Variants in TTC23L observed in about 807,000 individuals in gnomAD.
TTC23L encodes the protein tetratricopeptide repeat protein 23-like.
In TTC23L, 42 loss-of-function variants were observed where a neutral mutation model predicts 48.1. The ratio of observed to expected loss-of-function variants is 0.87; its 90% CI spans 0.68 to 1.13. The LOEUF is 1.13. TTC23L is among the 50% of genes most tolerant of loss of function. The pLI, the probability that TTC23L is intolerant of heterozygous loss-of-function variation, is 0.00. For missense variants in TTC23L, 391 were observed against 421.0 expected (o/e 0.93, Z 0.62); for synonymous variants, 159 against 157.2 (o/e 1.01, Z -0.09).
chr5:34,866,700 C>T (rs1241375001), intron 6 of TTC23L, among the ~76,000 whole-genome samples, 192 bp from the exon 7 acceptor site: 6 of 151,944 alleles, frequency 3.9e-5, no homozygotes, highest in Admixed American at 2.0e-4. Flanking sequence ...AATGAGTGGT[C>T]GTCAATGAAA....
chr5:34,851,399 G>T (rs933245270), intron 4 of TTC23L, among the ~76,000 whole-genome samples: 19 of 152,092 alleles, frequency 1.2e-4, no homozygotes, highest in Middle Eastern at 3.2e-3. Context: ...CTCCTTCTTA[G>T]GGCTCTATAG....
At chr5:34,840,250 G>GGGGGA (rs1554016490) in intron 1 of TTC23L, among the ~76,000 whole-genome samples, 1 of 108,148 alleles carries the variant, frequency 9.2e-6, no homozygotes, top group Admixed American at 8.6e-5. Context: ...GGGGGGGGGG[G>GGGGGA]AAAGCAGAAT....
chr5:34,920,186 T>C, the TTC23L span: 1 of 182,016 alleles, frequency 5.5e-6, no homozygotes, highest in African/African-American at 2.3e-5. Context: ...CAAAAAATTA[T>C]CAGTCAACAT....
chr5:34,908,739 ACATAAATAT>A, the TTC23L span: 1 of 1,545,032 alleles, frequency 6.5e-7, no homozygotes, highest in Non-Finnish European at 8.8e-7. Context: ...ATAAATGTAC[ACATAAATAT>A]CAGTGAATTG....
chr5:34,885,173 T>C (rs1054586644), intron 9 of TTC23L, among the ~76,000 whole-genome samples: 7 of 152,208 alleles, frequency 4.6e-5, no homozygotes, highest in African/African-American at 1.7e-4. Context: ...TGAAAGACAA[T>C]TAGCCTAGAC....
At chr5:34,904,156 A>C (rs1763576037), downstream of TTC23L, among the ~76,000 whole-genome samples, 1 of 151,208 alleles carries the variant, frequency 6.6e-6, no homozygotes, top group Admixed American at 6.6e-5. Flanking sequence ...TTTTTTAGAG[A>C]TGGAGTCTTG....
chr5:34,925,362 C>T, the TTC23L span: 1 of 1,613,812 alleles, frequency 6.2e-7, no homozygotes, highest in African/African-American at 1.3e-5. Flanking sequence ...TTTGTAACAC[C>T]AGCTGAGGAG....
chr5:34,886,195 A>G (rs1036441282), intron 9 of TTC23L, among the ~76,000 whole-genome samples: 13 of 152,046 alleles, frequency 8.6e-5, no homozygotes, highest in Non-Finnish European at 1.8e-4. Flanking sequence ...ATATGAATTA[A>G]CTATTATTAA....
chr5:34,860,174 T>C (rs967984646), intron 4 of TTC23L, among the ~76,000 whole-genome samples: 1 of 152,068 alleles, frequency 6.6e-6, no homozygotes, highest in Admixed American at 6.6e-5. Context: ...ATTCAGAGTT[T>C]CCCTTCAGTC....
At chr5:34,861,863 GT>G (rs1760689365) in intron 4 of TTC23L, among the ~76,000 whole-genome samples, 1 of 152,124 alleles carries the variant, frequency 6.6e-6, no homozygotes, top group African/African-American at 2.4e-5. Context: ...AACCCTACCT[GT>G]TGTTTTCAGT....
intron 1 of TTC23L, chr5:34,839,558 T>A: frequency 1.1e-6 from 1 of 874,656 alleles, no homozygotes; most frequent in Non-Finnish European, 1.4e-6. Context: ...AGATCAGAAC[T>A]CTTTGCTGTG....
chr5:34,887,086 A>G (rs938112270), intron 9 of TTC23L, among the ~76,000 whole-genome samples: 3 of 151,726 alleles, frequency 2.0e-5, no homozygotes, highest in Non-Finnish European at 4.4e-5. Flanking sequence ...GTAATACTCA[A>G]ATGAGCAGAG....
chr5:34,901,261 T>A (rs1763503498), downstream of TTC23L, among the ~76,000 whole-genome samples: 1 of 151,830 alleles, frequency 6.6e-6, no homozygotes, highest in African/African-American at 2.4e-5. Context: ...TTGAAAAAAA[T>A]CTGTGTATAA....
intron 9 of TTC23L, among the ~76,000 whole-genome samples, chr5:34,885,116 T>G (rs1244545442): frequency 1.3e-5 from 2 of 152,240 alleles, no homozygotes; most frequent in Non-Finnish European, 2.9e-5. Context: ...AGTGCATACT[T>G]AATTTATTTT....
chr5:34,911,435 T>C, the TTC23L span: 135 of 1,244,258 alleles, frequency 1.1e-4, no homozygotes, highest in African/African-American at 1.9e-3. Context: ...GTACAAGCTG[T>C]CTAAAGTTGT....
chr5:34,864,788 G>A (rs901653638), intron 6 of TTC23L, among the ~76,000 whole-genome samples: 2 of 152,184 alleles, frequency 1.3e-5, no homozygotes, highest in African/African-American at 4.8e-5. Flanking sequence ...TTAAAGGGGG[G>A]TGGTCAAGGA....
intron 9 of TTC23L, among the ~76,000 whole-genome samples, chr5:34,884,390 C>T (rs1003434560): frequency 1.3e-5 from 2 of 152,086 alleles, no homozygotes; most frequent in African/African-American, 4.8e-5. Flanking sequence ...CTCTATTCAA[C>T]ATAGTACTGG....
intron 9 of TTC23L, among the ~76,000 whole-genome samples, chr5:34,880,978 T>C (rs1762188837): frequency 6.6e-6 from 1 of 152,206 alleles, no homozygotes; most frequent in African/African-American, 2.4e-5. Flanking sequence ...AGCTATACTT[T>C]GTTGTGTAAT....
At chr5:34,913,977 C>G in the TTC23L span, 1 of 456,946 alleles carries the variant, frequency 2.2e-6, no homozygotes, top group Non-Finnish European at 4.4e-6. Context: ...GCTTCAGCCT[C>G]GGTCTCCTGA....
Sources: gnomAD v4.1 joint callset for allele counts (sites outside exome capture counted in the v4.1 genomes callset) on GRCh38, gnomAD v4.1.1 for gene constraint, MANE v1.5 for transcripts, NCBI Gene and HGNC (gene_info 2026-07-23, HGNC 2026-07-21) for gene names.